The following RAP1GAP2 variants were observed in gnomAD, a reference collection of about 807,000 sequenced individuals.
The protein encoded by RAP1GAP2 is RAP1 GTPase activating protein 2.
Under a neutral mutation model 95.0 loss-of-function variants are expected in RAP1GAP2, and 27 were observed. The observed-to-expected ratio is 0.28, with a 90% CI of 0.21 to 0.39. RAP1GAP2 has a LOEUF of 0.39. RAP1GAP2 is among the 10% of genes least tolerant of loss of function. The pLI is 1.00. For missense variants in RAP1GAP2, 771 were observed against 970.0 expected (o/e 0.79, Z 2.72); for synonymous variants, 373 against 380.9 (o/e 0.98, Z 0.24).
intron 3 of RAP1GAP2, among the ~76,000 whole-genome samples, chr17:2,911,907 C>T (rs1024188493): frequency 6.6e-6 from 1 of 152,174 alleles, no homozygotes; most frequent in African/African-American, 2.4e-5. Context: ...TCCCTGGAGC[C>T]GCACCGGGCC....
intron 16 of RAP1GAP2, 45 bp downstream of exon 16, chr17:3,006,086 A>T (rs1208523958): frequency 7.3e-7 from 1 of 1,360,546 alleles, no homozygotes; most frequent in African/African-American, 1.5e-5. Flanking sequence ...CTGCTGGGCC[A>T]CCTGTTAGCC....
intron 4 of RAP1GAP2, among the ~76,000 whole-genome samples, chr17:2,962,039 A>G (rs903615396): frequency 6.6e-6 from 1 of 151,796 alleles, no homozygotes; most frequent in Non-Finnish European, 1.5e-5. Context: ...AGTAGCTGGG[A>G]TTACAGGCAT....
chr17:2,799,999 T>C (rs1275995449), intron 1 of RAP1GAP2, among the ~76,000 whole-genome samples: 1 of 152,102 alleles, frequency 6.6e-6, no homozygotes, highest in Non-Finnish European at 1.5e-5. Flanking sequence ...AGGGTCTGCC[T>C]CCCTGGATGG....
rs2072008507 is a variant in RAP1GAP2, at chr17:2,853,917, G to T, written c.81-51367G>T. The T allele has an allele frequency of 9.2e-6, 9 of 981,050 alleles. No homozygotes were observed. In the African/African-American group the frequency reaches 1.1e-4, roughly 12 times the overall value. The allele number at this position is 981,050 out of a possible 1,614,324, so 60.8% of individuals were successfully genotyped here. A position where few individuals can be genotyped will look rare whatever the true frequency, so the allele number is the denominator to read the frequency against. On this transcript the variant is annotated intron_variant, in intron 2 of 24. Coordinates refer to ENST00000254695, the MANE Select transcript of RAP1GAP2 (RefSeq NM_015085.5). ...GGCCGGGGGCCGGGGCGCGGGCTCAGGGGCCGGGTGCGGAGCGCGCGGAGC... is the reference window on the plus strand; with the variant it reads ...GGCCGGGGGCCGGGGCGCGGGCTCATGGGCCGGGTGCGGAGCGCGCGGAGC...
At chr17:2,986,332 A>T (rs1229918627) in intron 11 of RAP1GAP2, among the ~76,000 whole-genome samples, 1 of 152,254 alleles carries the variant, frequency 6.6e-6, no homozygotes, top group African/African-American at 2.4e-5. Context: ...CACATATTAC[A>T]TTTTTATTTT....
intron 3 of RAP1GAP2, among the ~76,000 whole-genome samples, chr17:2,918,432 C>CA (rs533808717): frequency 0.2 from 13,261 of 64,710 alleles, 1,314 homozygotes; most frequent in Middle Eastern, 0.33. Context: ...GACTCCATCT[C>CA]AAAAAAAAAA....
upstream of RAP1GAP2, among the ~76,000 whole-genome samples, chr17:2,775,612 C>A (rs567850381): frequency 2.0e-4 from 30 of 152,196 alleles, 1 homozygote; most frequent in South Asian, 5.0e-3. Flanking sequence ...GGTCAGGAGG[C>A]CATGACCCAC....
intron 2 of RAP1GAP2, among the ~76,000 whole-genome samples, chr17:2,820,878 CG>C (rs35706990): frequency 1 from 142,130 of 142,158 alleles, 71,051 homozygotes; most frequent in Middle Eastern, 1. Flanking sequence ...CCCGCCACCA[CG>C]GCCCGGATAA....
intron 1 of RAP1GAP2, among the ~76,000 whole-genome samples, chr17:2,768,417 C>T (rs144711240): frequency 1.0e-3 from 159 of 152,234 alleles, no homozygotes; most frequent in African/African-American, 3.6e-3. Flanking sequence ...TTAGGCTGGG[C>T]GTGGTGGCTC....
intron 2 of RAP1GAP2, among the ~76,000 whole-genome samples, chr17:2,896,282 G>A (rs1301589901): frequency 4.6e-5 from 7 of 152,044 alleles, no homozygotes; most frequent in East Asian, 3.9e-4. Context: ...CACAGACGTC[G>A]CCTCCCACGC....
intron 3 of RAP1GAP2, among the ~76,000 whole-genome samples, chr17:2,915,136 T>C (rs780479957): frequency 2.6e-5 from 4 of 152,048 alleles, no homozygotes; most frequent in African/African-American, 4.8e-5. Context: ...GTCGCCCGGG[T>C]TGGTCTCAAA....
chr17:2,936,059 C>T (rs927832935), intron 3 of RAP1GAP2, among the ~76,000 whole-genome samples: 1 of 151,658 alleles, frequency 6.6e-6, no homozygotes, highest in African/African-American at 2.4e-5. Context: ...CCGCCATCTC[C>T]TCTCCCTGTC....
At chr17:2,929,045 G>C (rs1597637873) in intron 3 of RAP1GAP2, among the ~76,000 whole-genome samples, 1 of 152,086 alleles carries the variant, frequency 6.6e-6, no homozygotes, top group Non-Finnish European at 1.5e-5. Flanking sequence ...ACCAGCCTGG[G>C]CAACATAGCA....
In RAP1GAP2 at chr17:2,906,121, C is replaced by T. The variant is rs1000389075; in HGVS notation, c.165+753C>T. On this transcript the variant is annotated intron_variant, in intron 3 of 24. Transcript: ENST00000254695. This position sits in a 1 kb window ranked among gnomAD's most constrained non-coding sequence, Gnocchi z 4.3. ...TCCCTGCCTCCCTCCTTCCTTCACA[C>T]TCTGTGGAGTGAGTGAGGACTAGTG... 2.0e-5 allele frequency among the ~76,000 whole-genome samples: 3 copies of T among 152,082 alleles called. No homozygotes were observed. Among genetic ancestry groups the T allele is most frequent in the Non-Finnish European group, 4.4e-5 (3 of 68,006 alleles).
chr17:2,767,834 G>C (rs937724253), intron 1 of RAP1GAP2, among the ~76,000 whole-genome samples: 2 of 150,994 alleles, frequency 1.3e-5, no homozygotes, highest in African/African-American at 2.4e-5. Flanking sequence ...CCAGGTTCAC[G>C]CTATTCTCCT....
At chr17:3,018,398 A>G (rs9894821) in intron 18 of RAP1GAP2, among the ~76,000 whole-genome samples, 200 bp downstream of exon 18, 139,039 of 152,068 alleles carry the variant, frequency 0.91, 63,786 homozygotes, top group Non-Finnish European at 0.95. Context: ...TCCATCCTAG[A>G]CAGCACCCGG....
chr17:2,829,298 C>T lies in RAP1GAP2; in HGVS notation c.80+28748C>T, dbSNP rs570103497. 2.6e-5 allele frequency among the ~76,000 whole-genome samples: 4 copies of T among 152,190 alleles called. No individual in the cohort carries two copies. In the East Asian group the frequency reaches 5.8e-4, roughly 22 times the overall value. On this transcript the variant is annotated intron_variant, in intron 2 of 24. Transcript: ENST00000254695. ...CATGCCCGGCCAATTACTTGCTTTC[C>T]TGATGTAGCTCAGATGGAGCGGGTG...
chr17:2,872,227 A>AAAAAAAAAAAG (rs2072876188), intron 2 of RAP1GAP2, among the ~76,000 whole-genome samples: 2 of 151,184 alleles, frequency 1.3e-5, no homozygotes, highest in Admixed American at 6.6e-5. Context: ...AAAAAAAAAA[A>AAAAAAAAAAAG]AAAAAAAGGT....
At chr17:2,980,933 A>G (rs1251797172) in intron 9 of RAP1GAP2, among the ~76,000 whole-genome samples, 1 of 152,136 alleles carries the variant, frequency 6.6e-6, no homozygotes, top group Non-Finnish European at 1.5e-5. Context: ...TGTGGGCTGG[A>G]TAGTTTTTGG....
Sources: allele counts gnomAD v4.1 joint callset (sites outside exome capture counted in the v4.1 genomes callset), GRCh38; gene constraint gnomAD v4.1.1; non-coding constraint Gnocchi (gnomAD v3.1); transcripts MANE v1.5; gene names NCBI Gene and HGNC (gene_info 2026-07-23, HGNC 2026-07-21).